SUN1: variants seen among roughly 807,000 people sequenced by gnomAD.
SUN1 encodes Sad1 and UNC84 domain containing 1.
In SUN1, 61 loss-of-function variants were observed where a neutral mutation model predicts 103.2. The ratio of observed to expected loss-of-function variants is 0.59; its 90% CI spans 0.48 to 0.73. The LOEUF (loss-of-function observed/expected upper bound fraction) is 0.73. Ranked by LOEUF, SUN1 falls within the 30% of genes least tolerant of loss-of-function variation. SUN1 has a pLI of 0.00. For synonymous variants in SUN1, 490 were observed against 425.7 expected (o/e 1.15, Z -1.86); for missense variants, 1,052 against 1,034.6 (o/e 1.02, Z -0.23).
intron 1 of SUN1, among the ~76,000 whole-genome samples, chr7:827,407 C>T (rs1352095393): frequency 6.6e-6 from 1 of 151,112 alleles, no homozygotes; most frequent in Non-Finnish European, 1.5e-5. Context: ...TAGATTAGTA[C>T]AGATATTCTG....
intron 5 of SUN1, among the ~76,000 whole-genome samples, chr7:847,234 C>A (rs1157481281): frequency 6.6e-6 from 1 of 151,886 alleles, no homozygotes; most frequent in Non-Finnish European, 1.5e-5. Flanking sequence ...CTGGGGGTTA[C>A]CCCGCAGTCC....
chr7:840,710 C>G (rs1167505558), intron 2 of SUN1, among the ~76,000 whole-genome samples: 1 of 145,440 alleles, frequency 6.9e-6, no homozygotes, highest in Non-Finnish European at 1.5e-5. Context: ...GGTGCAATCT[C>G]GACTCACCAC....
intron 5 of SUN1, among the ~76,000 whole-genome samples, chr7:845,172 A>C (rs972336029): frequency 1.3e-5 from 2 of 152,178 alleles, no homozygotes; most frequent in African/African-American, 4.8e-5. Flanking sequence ...TCTCTCTGTG[A>C]CTGACAGTAT....
At position 855,024 on chromosome 7, in the gene SUN1, T is replaced by TA. The variant is rs1562730928; in HGVS notation, c.1350+19dup. The TA allele has an allele frequency of 1.4e-5, 22 of 1,576,948 alleles. No individual in the cohort carries two copies. Among genetic ancestry groups the TA allele is most frequent in the East Asian group, 4.5e-5 (2 of 44,704 alleles). On this transcript the variant is annotated intron_variant, in intron 11 of 18. Coordinates refer to ENST00000401592, the MANE Select transcript of SUN1 (RefSeq NM_001130965.3). Reference sequence around the variant, plus strand: ...AATCTGAGGTATTTATTTTTGACCTTACGCTTTTTTAAAATAAAAAGAAAA... The same window carrying TA: ...AATCTGAGGTATTTATTTTTGACCTTAACGCTTTTTTAAAATAAAAAGAAAA...
chr7:849,624 C>G, intron 5 of SUN1: 7 of 1,510,566 alleles, frequency 4.6e-6, no homozygotes, highest in Non-Finnish European at 6.3e-6. Flanking sequence ...CTTCGTTTTC[C>G]TGTGGGCGTC....
intron 5 of SUN1, chr7:850,773 A>AAAAC (rs777117361): frequency 8.8e-5 from 13 of 148,304 alleles, no homozygotes; most frequent in South Asian, 2.1e-4. Context: ...AAATTAAAAA[A>AAAAC]AAAAAAAAAC....
chr7:819,667 G>T (rs1188836032), intron 1 of SUN1, among the ~76,000 whole-genome samples: 3 of 148,692 alleles, frequency 2.0e-5, no homozygotes, highest in Admixed American at 6.7e-5. Flanking sequence ...TTTGGACCCA[G>T]TTCTGTTCTG....
chr7:858,020 T>C, intron 13 of SUN1, 63 bp downstream of exon 13: 4 of 1,480,534 alleles, frequency 2.7e-6, no homozygotes, highest in Non-Finnish European at 3.6e-6. Context: ...CTTGAATTGA[T>C]GACTTAGGTT....
intron 12 of SUN1, among the ~76,000 whole-genome samples, chr7:857,601 A>C (rs1428693390): frequency 6.6e-6 from 1 of 152,262 alleles, no homozygotes; most frequent in Non-Finnish European, 1.5e-5. Flanking sequence ...CTCCTTGTGC[A>C]GTGTGAACAT....
chr7:853,189 C>T (rs530472852), intron 9 of SUN1: 2 of 739,248 alleles, frequency 2.7e-6, no homozygotes, highest in East Asian at 2.7e-5. Context: ...GTATTCATCA[C>T]TGTACAAAGT....
intron 1 of SUN1, 127 bp downstream of exon 1, chr7:832,728 T>G (rs934015187): frequency 4.1e-6 from 3 of 737,484 alleles, no homozygotes; most frequent in African/African-American, 3.5e-5. Context: ...TGAAAAAAAA[T>G]AATAAACTGT....
intron 1 of SUN1, among the ~76,000 whole-genome samples, chr7:822,825 G>T (rs896955465): frequency 2.0e-5 from 3 of 152,218 alleles, no homozygotes; most frequent in Non-Finnish European, 2.9e-5. Flanking sequence ...GCCTGAACAT[G>T]CCGGGAGGAA....
rs182873497 is a variant in SUN1 at position 856,075 on chromosome 7, G to A, written c.1351-283G>A. ...CACGTTTAGAACACACTCTGGAGGT[G>A]TGACAGGGAGCTGACTCCCAACCCG... On this transcript the variant is annotated intron_variant, in intron 11 of 18. Coordinates refer to ENST00000401592, the MANE Select transcript of SUN1 (RefSeq NM_001130965.3). Among the ~76,000 whole-genome samples the A allele has an allele frequency of 4.6e-3, 700 of 152,312 alleles. 1 individual carries two copies. Among genetic ancestry groups the A allele is most frequent in the South Asian group, 0.024 (115 of 4,832 alleles).
chr7:860,341 T>TCCA lies in SUN1; in HGVS notation c.1739_1740insCAC (p.Ser580_Ala581insThr). ...GCTCCCAACCTCAGAAGCCGTGGTGTCTGCTGTGAGCGAGGCGGGGGCGTC... is the reference window on the plus strand; with the variant it reads ...GCTCCCAACCTCAGAAGCCGTGGTGTCCACTGCTGTGAGCGAGGCGGGGGCGTC... On this transcript the variant is annotated inframe_insertion, in exon 14 of 19. Coordinates refer to ENST00000401592, the MANE Select transcript of SUN1 (RefSeq NM_001130965.3). 1 of 1,614,176 alleles carries TCCA rather than the reference T, an allele frequency of 6.2e-7. No homozygotes were observed. The highest frequency in any genetic ancestry group is 8.5e-7 in the Non-Finnish European group (1 of 1,180,028).
chr7:854,307 C>T (rs1018398770), intron 10 of SUN1, among the ~76,000 whole-genome samples: 9 of 152,240 alleles, frequency 5.9e-5, no homozygotes, highest in African/African-American at 2.2e-4. Flanking sequence ...GTGCGCGCAG[C>T]GTCAAACGCT....
At position 874,228 on chromosome 7, in the gene SUN1, TTA is replaced by T. The variant is rs1470844996; in HGVS notation, c.*898_*899del. 5 of 152,526 alleles carry T rather than the reference TTA, an allele frequency of 3.3e-5. No individual in the cohort carries two copies. The highest frequency in any genetic ancestry group is 3.3e-4 in the Admixed American group (5 of 15,290). The allele number at this position is 152,526 out of a possible 1,614,324, so 9.4% of individuals were successfully genotyped here. ...CTGGTGTGTCAGGGTCACGAACCCG[TTA>T]CATTTCAGGACGATCCTTTTTCCTT... On this transcript the variant is annotated 3_prime_UTR_variant, in exon 19 of 19. Transcript: ENST00000401592.
chr7:831,845 G>A (rs1035842168), upstream of SUN1: 2 of 163,010 alleles, frequency 1.2e-5, no homozygotes, highest in Middle Eastern at 3.2e-3. Context: ...GAAAGTCAGG[G>A]TGTGTGCATG....
Position 853,412 on chromosome 7 carries a change from G to C in SUN1, c.1057G>C (p.Asp353His). Residue 353 changes from aspartate to histidine, a missense_variant, in exon 10 of 19, where the codon GAC (aspartate) becomes CAC (histidine). Coordinates refer to ENST00000401592, the MANE Select transcript of SUN1 (RefSeq NM_001130965.3). ...CATTTCTCTCTTGCCATTTCAGGGT[G>C]ACAGTGAGGCTTTTCCGTGGCATTG... The part of the protein sequence containing the change: ...TSRLKQPLQG[D>H]SEAFPWHWMS... 6.2e-7 allele frequency: 1 copy of C among 1,613,618 alleles called. No individual in the cohort carries two copies. The highest frequency in any genetic ancestry group is 8.5e-7 in the Non-Finnish European group (1 of 1,180,040).
chr7:835,371 A>G (rs1802078105), intron 1 of SUN1, among the ~76,000 whole-genome samples: 1 of 152,262 alleles, frequency 6.6e-6, no homozygotes, highest in Non-Finnish European at 1.5e-5. Context: ...AGTCTCTAAA[A>G]GATAATGATA....
Sources: allele counts gnomAD v4.1 joint callset (sites outside exome capture counted in the v4.1 genomes callset), GRCh38; gene constraint gnomAD v4.1.1; transcripts MANE v1.5; gene names NCBI Gene and HGNC (gene_info 2026-07-23, HGNC 2026-07-21).